STK3: variants seen among roughly 807,000 people sequenced by gnomAD.
The protein encoded by STK3 is serine/threonine-protein kinase 3.
Under a neutral mutation model 58.0 loss-of-function variants are expected in STK3, and 41 were observed. That is an observed-to-expected ratio of 0.71 (90% CI 0.55 to 0.92). STK3 has a LOEUF of 0.92. STK3 is among the 40% of genes least tolerant of loss of function. STK3 has a pLI of 0.00. For missense variants in STK3, 479 were observed against 602.7 expected, an observed-to-expected ratio of 0.79 and a Z score of 2.15; for synonymous variants, 170 against 191.0, an observed-to-expected ratio of 0.89 and a Z score of 0.91.
chr8:98,493,460 T>C lies in STK3; in HGVS notation c.1317+33282A>G, dbSNP rs180940589. Among the ~76,000 whole-genome samples, 269 of 152,254 alleles carry C rather than the reference T, an allele frequency of 1.8e-3. 3 individuals carry two copies. Among genetic ancestry groups the C allele is most frequent in the African/African-American group, 6.2e-3 (258 of 41,542 alleles). On this transcript the variant is annotated intron_variant, in intron 10 of 10. Transcript: ENST00000419617. ...GAGGCTGCTTCACTTAAAAGCAACA[T>C]TGATCTCCTTAACACCTTATCCAAT...
intron 1 of STK3, among the ~76,000 whole-genome samples, chr8:98,809,473 C>G (rs1310510692): frequency 1.3e-5 from 2 of 152,180 alleles, no homozygotes; most frequent in African/African-American, 4.8e-5. Flanking sequence ...CATCTCCAAC[C>G]AAAATTCTAT....
At chr8:98,582,602 CT>C (rs1473276863) in intron 7 of STK3, among the ~76,000 whole-genome samples, 1 of 151,994 alleles carries the variant, frequency 6.6e-6, no homozygotes, top group Non-Finnish European at 1.5e-5. Flanking sequence ...AGGCAGTTAT[CT>C]CAGCACCATT....
At chr8:98,837,337 C>T (rs1835782584) in intron 3 of STK3, among the ~76,000 whole-genome samples, 1 of 133,972 alleles carries the variant, frequency 7.5e-6, no homozygotes, top group African/African-American at 2.8e-5. Flanking sequence ...TGCTGTAGTT[C>T]AGGCTGATAA....
intron 3 of STK3, among the ~76,000 whole-genome samples, chr8:98,755,945 T>C (rs1830261274): frequency 6.6e-6 from 1 of 151,932 alleles, no homozygotes; most frequent in Non-Finnish European, 1.5e-5. Context: ...ATCGAGACCA[T>C]CCTGGCCAAC....
At chr8:98,839,648 AG>A (rs537597570) in intron 3 of STK3, among the ~76,000 whole-genome samples, 102 of 152,296 alleles carry the variant, frequency 6.7e-4, no homozygotes, top group South Asian at 2.7e-3. Flanking sequence ...TGCTTAATAA[AG>A]TGATTATTTT....
intron 3 of STK3, among the ~76,000 whole-genome samples, chr8:98,872,853 A>G (rs1446245380): frequency 6.6e-6 from 1 of 151,800 alleles, no homozygotes; most frequent in African/African-American, 2.4e-5. Flanking sequence ...TTCTGCTCTG[A>G]TCTTAGTTAT....
At chr8:98,836,094 G>C (rs1356895623) in intron 3 of STK3, among the ~76,000 whole-genome samples, 1 of 152,060 alleles carries the variant, frequency 6.6e-6, no homozygotes, top group Non-Finnish European at 1.5e-5. Flanking sequence ...CCAGCTACTT[G>C]GGAGGCTGAG....
At chr8:98,345,904 A>G in the STK3 span, among the ~76,000 whole-genome samples, 1 of 152,090 alleles carries the variant, frequency 6.6e-6, no homozygotes, top group Non-Finnish European at 1.5e-5. Context: ...TAGGCATTTC[A>G]GGAGAGAAAA....
intron 8 of STK3, among the ~76,000 whole-genome samples, chr8:98,575,761 C>T (rs373452895): frequency 2.6e-4 from 40 of 151,870 alleles, no homozygotes; most frequent in South Asian, 2.1e-3. Context: ...CATGAGCCAC[C>T]GCACCCAGCT....
At chr8:98,589,263 C>G (rs978001031) in intron 7 of STK3, among the ~76,000 whole-genome samples, 5 of 152,134 alleles carry the variant, frequency 3.3e-5, no homozygotes, top group African/African-American at 1.2e-4. Flanking sequence ...TGGTGATGAA[C>G]AGATGGGTTT....
At chr8:98,411,507 G>C (rs1287579797) in intron 3 of STK3, among the ~76,000 whole-genome samples, 1 of 152,118 alleles carries the variant, frequency 6.6e-6, no homozygotes, top group Non-Finnish European at 1.5e-5. Flanking sequence ...AAGGCGGTGG[G>C]GTCTGGTGCC....
chr8:98,662,566 CT>C (rs754677070), intron 6 of STK3, among the ~76,000 whole-genome samples: 10 of 151,926 alleles, frequency 6.6e-5, no homozygotes, highest in Non-Finnish European at 1.2e-4. Context: ...AAAAGTAAAG[CT>C]TAAATAACAC....
chr8:98,372,385 C>T (rs1037226271), intron 2 of STK3, among the ~76,000 whole-genome samples: 4 of 152,164 alleles, frequency 2.6e-5, no homozygotes, highest in South Asian at 2.1e-4. Context: ...TGGGGAGGCC[C>T]GCAGACTCCA....
intron 1 of STK3, among the ~76,000 whole-genome samples, chr8:98,888,705 G>T (rs1246005072): frequency 6.6e-6 from 1 of 152,174 alleles, no homozygotes; most frequent in East Asian, 1.9e-4. Context: ...GAGAAGTTAG[G>T]TTAGAAACCC....
At chr8:98,408,145 C>T (rs922701677) in intron 3 of STK3, among the ~76,000 whole-genome samples, 12 of 152,140 alleles carry the variant, frequency 7.9e-5, no homozygotes, top group Non-Finnish European at 1.5e-4. Flanking sequence ...AGTCACCCAG[C>T]CTTTAAGAAC....
intron 3 of STK3, among the ~76,000 whole-genome samples, chr8:98,834,594 G>A (rs1019438313): frequency 1.3e-5 from 2 of 152,226 alleles, no homozygotes; most frequent in Admixed American, 1.3e-4. Context: ...GGCAGATTCA[G>A]TGTCTGGTGA....
At chr8:98,805,570 A>T (rs763559242) in intron 1 of STK3, among the ~76,000 whole-genome samples, 2 of 151,990 alleles carry the variant, frequency 1.3e-5, no homozygotes, top group Non-Finnish European at 2.9e-5. Flanking sequence ...GCAAAACTCC[A>T]TCTCCAAAAA....
At chr8:98,594,621 A>T (rs1164751135) in intron 7 of STK3, among the ~76,000 whole-genome samples, 1 of 152,152 alleles carries the variant, frequency 6.6e-6, no homozygotes, top group African/African-American at 2.4e-5. Context: ...AAAATAAAAT[A>T]TATACACACA....
In STK3 at chr8:98,840,583, GTATATATATATATATATATATATA is replaced by G. The variant is rs59274441; in HGVS notation, c.110+43040_110+43063del. 8.5e-4 allele frequency among the ~76,000 whole-genome samples: 68 copies of G among 80,120 alleles called. 2 individuals are homozygous for G. The South Asian group carries it at 0.01, about 12-fold the overall frequency. The allele number at this position is 80,120 out of a possible 152,430, so 52.6% of individuals were successfully genotyped here. On this transcript the variant is annotated intron_variant, in intron 3 of 12. Coordinates refer to the STK3 transcript ENST00000523601. ...TGACAACCTGTCTCAAGAAAAAAATGTATATATATATATATATATATATATATATATATATATATATATATACAC... is the reference window on the plus strand; with the variant it reads ...TGACAACCTGTCTCAAGAAAAAAATGTATATATATATATATATATATACAC...
Sources: allele counts gnomAD v4.1 joint callset (sites outside exome capture counted in the v4.1 genomes callset), GRCh38; gene constraint gnomAD v4.1.1; transcripts MANE v1.5; gene names NCBI Gene and HGNC (gene_info 2026-07-23, HGNC 2026-07-21).